AGFG1: variants seen among roughly 807,000 people sequenced by gnomAD.
AGFG1 encodes the protein ArfGAP with FG repeats 1.
Under a neutral mutation model 60.6 loss-of-function variants are expected in AGFG1, and 10 were observed. The ratio of observed to expected loss-of-function variants is 0.16; its 90% CI spans 0.10 to 0.28. The LOEUF (loss-of-function observed/expected upper bound fraction) is 0.28, where lower values mean the gene tolerates loss of function less well. Among genes scored for constraint, AGFG1 ranks in the 10% least tolerant of loss-of-function variants. AGFG1 has a pLI of 1.00. For synonymous variants in AGFG1, 247 were observed against 242.9 expected (o/e 1.02, Z -0.16); for missense variants, 537 against 676.5 (o/e 0.79, Z 2.29).
chr2:227,513,901 T>C (rs2106197728), intron 2 of AGFG1, among the ~76,000 whole-genome samples: 1 of 152,364 alleles, frequency 6.6e-6, no homozygotes, highest in East Asian at 1.9e-4. Context: ...ACACTTAATA[T>C]GGCACAGCCC....
intron 2 of AGFG1, among the ~76,000 whole-genome samples, chr2:227,515,088 T>A (rs1380280972): frequency 2.0e-5 from 3 of 152,136 alleles, no homozygotes; most frequent in Non-Finnish European, 4.4e-5. Flanking sequence ...GCTCAGTGAA[T>A]TTTTATATTT....
intron 1 of AGFG1, among the ~76,000 whole-genome samples, chr2:227,480,274 C>G (rs1182711074): frequency 6.6e-6 from 1 of 152,076 alleles, no homozygotes; most frequent in Non-Finnish European, 1.5e-5. Context: ...TTTTACGACT[C>G]TAGGGGGAGA....
In AGFG1 at chr2:227,472,194, C is replaced by T. The variant is rs1690108580; in HGVS notation, c.-228C>T. The T allele has an allele frequency of 6.3e-6, 1 of 157,944 alleles. No individual in the cohort carries two copies. The highest frequency in any genetic ancestry group is 1.4e-5 in the Non-Finnish European group (1 of 71,868). The allele number at this position is 157,944 out of a possible 1,614,324, so 9.8% of individuals were successfully genotyped here. A position where few individuals can be genotyped will look rare whatever the true frequency, so the allele number is the denominator to read the frequency against. On this transcript the variant is annotated 5_prime_UTR_variant, in exon 1 of 13. Coordinates refer to ENST00000310078, the MANE Select transcript of AGFG1 (RefSeq NM_004504.5). ...GTCGGGAAGGTGGCGGCGGCGGCGG[C>T]GGTTGTCCCGGCTGTGCCGGTTGGT...
intron 10 of AGFG1, among the ~76,000 whole-genome samples, chr2:227,542,370 AG>A (rs1165796039): frequency 6.6e-6 from 1 of 152,182 alleles, no homozygotes; most frequent in East Asian, 1.9e-4. Flanking sequence ...TTTAGCATGA[AG>A]GGCTGTTGAA....
intron 2 of AGFG1, among the ~76,000 whole-genome samples, chr2:227,493,568 T>C (rs561154334): frequency 6.6e-6 from 1 of 152,212 alleles, no homozygotes; most frequent in Non-Finnish European, 1.5e-5. Context: ...AGGAACTCAC[T>C]GTATCAAAAA....
chr2:227,551,622 A>T (rs187996147), intron 10 of AGFG1, among the ~76,000 whole-genome samples: 1 of 152,314 alleles, frequency 6.6e-6, no homozygotes. Context: ...AAAAATGTAT[A>T]CTAGTATACA....
rs1003044764 is a variant in AGFG1 at position 227,556,268 on chromosome 2, A to G, written c.*1773A>G. 3.3e-5 allele frequency: 5 copies of G among 152,302 alleles called. No individual in the cohort carries two copies. The highest frequency in any genetic ancestry group is 5.9e-5 in the Non-Finnish European group (4 of 68,030). 9.4% of individuals were successfully genotyped at this position (152,302 alleles called of 1,614,324 possible). A position where few individuals can be genotyped will look rare whatever the true frequency, so the allele number is the denominator to read the frequency against. On this transcript the variant is annotated 3_prime_UTR_variant, in exon 13 of 13. Coordinates refer to ENST00000310078, the MANE Select transcript of AGFG1 (RefSeq NM_004504.5). ...TTGCAATGATGACTGAGTTGTTATC[A>G]TAGTATTTTAAAACCTGTATAGTGT...
chr2:227,539,666 G>C (rs542674985), intron 10 of AGFG1, among the ~76,000 whole-genome samples: 1 of 145,222 alleles, frequency 6.9e-6, no homozygotes, highest in Admixed American at 7.2e-5. Context: ...GATTACCTGA[G>C]CCTAGGAGGT....
chr2:227,496,610 A>G (rs1402554185), intron 2 of AGFG1, among the ~76,000 whole-genome samples: 1 of 152,222 alleles, frequency 6.6e-6, no homozygotes, highest in Admixed American at 6.5e-5. Flanking sequence ...TGGACTATGC[A>G]GGTTGTGAAC....
chr2:227,532,992 A>G (rs1184012518), intron 6 of AGFG1, among the ~76,000 whole-genome samples: 1 of 152,202 alleles, frequency 6.6e-6, no homozygotes, highest in Non-Finnish European at 1.5e-5. Context: ...TTGATATTGT[A>G]TACACATTAA....
intron 10 of AGFG1, among the ~76,000 whole-genome samples, chr2:227,537,276 C>T (rs1038341030): frequency 5.9e-5 from 9 of 152,080 alleles, no homozygotes; most frequent in African/African-American, 9.7e-5. Context: ...CTCCACAGAA[C>T]GTTTATGACA....
chr2:227,535,892 G>C (rs535155849), intron 8 of AGFG1, among the ~76,000 whole-genome samples: 31 of 152,258 alleles, frequency 2.0e-4, no homozygotes, highest in Middle Eastern at 3.4e-3. Context: ...GGGTACCTGA[G>C]ACCCTTTCAT....
intron 2 of AGFG1, among the ~76,000 whole-genome samples, chr2:227,515,583 C>G (rs1464013819): frequency 6.6e-6 from 1 of 152,102 alleles, no homozygotes. Context: ...AATATAATCA[C>G]CTTTTTCCAA....
intron 10 of AGFG1, among the ~76,000 whole-genome samples, chr2:227,539,746 C>CAAAA (rs71039604): frequency 2.0e-4 from 13 of 65,468 alleles, no homozygotes; most frequent in African/African-American, 2.6e-4. Flanking sequence ...CTCTAGCTCA[C>CAAAA]AAAAAAAAAA....
chr2:227,543,854 A>ATG (rs1470198593), intron 10 of AGFG1, among the ~76,000 whole-genome samples: 8 of 151,506 alleles, frequency 5.3e-5, no homozygotes, highest in African/African-American at 1.9e-4. Flanking sequence ...TTGGGTGCAT[A>ATG]TATATTTAGG....
rs1432608290 is a variant in AGFG1 at position 227,557,198 on chromosome 2, G to T, written c.*2703G>T. 2 of 152,106 alleles carry T rather than the reference G, an allele frequency of 1.3e-5. No homozygotes were observed. Among genetic ancestry groups the T allele is most frequent in the African/African-American group, 4.8e-5 (2 of 41,426 alleles). 9.4% of individuals were successfully genotyped at this position (152,106 alleles called of 1,614,324 possible). ...GGTATCTGCAGATATCCCTGTTCAGGAAAGATCTTTTTTCAGGATGGCAAA... is the reference window on the plus strand; with the variant it reads ...GGTATCTGCAGATATCCCTGTTCAGTAAAGATCTTTTTTCAGGATGGCAAA... On this transcript the variant is annotated 3_prime_UTR_variant, in exon 13 of 13. Transcript: ENST00000310078.
At chr2:227,520,617 A>G (rs565157103) in intron 3 of AGFG1, among the ~76,000 whole-genome samples, 35 of 152,212 alleles carry the variant, frequency 2.3e-4, no homozygotes, top group Non-Finnish European at 4.9e-4. Context: ...TTAATTTTTA[A>G]AAATTAATTC....
intron 2 of AGFG1, among the ~76,000 whole-genome samples, chr2:227,506,530 T>C (rs1691318513): frequency 7.2e-6 from 1 of 138,190 alleles, no homozygotes; most frequent in Admixed American, 7.9e-5. Context: ...TTAGCAGCCC[T>C]GCATGACTGC....
At chr2:227,517,464 G>C (rs1691687451) in intron 2 of AGFG1, among the ~76,000 whole-genome samples, 1 of 152,160 alleles carries the variant, frequency 6.6e-6, no homozygotes, top group Non-Finnish European at 1.5e-5. Context: ...TAGAGGTGGG[G>C]TTTCACCATG....
Sources: gnomAD v4.1 joint callset for allele counts (sites outside exome capture counted in the v4.1 genomes callset) on GRCh38, gnomAD v4.1.1 for gene constraint, MANE v1.5 for transcripts, NCBI Gene and HGNC (gene_info 2026-07-23, HGNC 2026-07-21) for gene names.